Variants in RGS6 observed in about 807,000 individuals in gnomAD.
The protein encoded by RGS6 is regulator of G protein signaling 6.
In RGS6, 30 loss-of-function variants were observed where a neutral mutation model predicts 78.5. The observed-to-expected ratio is 0.38, with a 90% confidence interval of 0.29 to 0.52. The LOEUF is 0.52. RGS6 is among the 20% of genes least tolerant of loss of function. The pLI is 0.85. For missense variants in RGS6, 495 were observed against 609.7 expected, an observed-to-expected ratio of 0.81 and a Z score of 1.98; for synonymous variants, 206 against 206.0, an observed-to-expected ratio of 1.00 and a Z score of 0.00.
At chr14:71,996,243 T>C (rs1438673095) in intron 2 of RGS6, among the ~76,000 whole-genome samples, 1 of 152,006 alleles carries the variant, frequency 6.6e-6, no homozygotes, top group African/African-American at 2.4e-5. Flanking sequence ...ATTCCCCTTA[T>C]TGGGCCACTC....
rs117591662 is a variant in RGS6 at position 72,186,958 on chromosome 14, C to G, written c.85-165137C>G. 1.2e-4 allele frequency among the ~76,000 whole-genome samples: 19 copies of G among 152,288 alleles called. No homozygotes were observed. The East Asian group carries it at 3.7e-3, about 29-fold the overall frequency. On this transcript the variant is annotated intron_variant, in intron 2 of 17. Transcript: ENST00000553525. The stretch of plus-strand genomic sequence containing the variant: ...GAAAGGCTGATGTAATGATCACACA[C>G]CTTCAGGTGAAAGGGTCAGTTTCTC...
chr14:71,945,742 G>A (rs1480184581), intron 1 of RGS6, among the ~76,000 whole-genome samples: 1 of 152,190 alleles, frequency 6.6e-6, no homozygotes, highest in Non-Finnish European at 1.5e-5. Context: ...GGGACAGGTG[G>A]AGAATGTGTT....
chr14:72,223,267 AG>A (rs2047312285), intron 2 of RGS6, among the ~76,000 whole-genome samples: 1 of 152,238 alleles, frequency 6.6e-6, no homozygotes, highest in Non-Finnish European at 1.5e-5. Context: ...CCTGGCCTTA[AG>A]GTTATCTTGC....
intron 2 of RGS6, among the ~76,000 whole-genome samples, chr14:72,326,691 C>T (rs1401754622): frequency 2.6e-5 from 4 of 152,124 alleles, no homozygotes; most frequent in African/African-American, 9.7e-5. Context: ...TTATAAATCA[C>T]CCAGTCTCAG....
At chr14:72,279,630 C>T (rs1481877796) in intron 2 of RGS6, among the ~76,000 whole-genome samples, 1 of 152,114 alleles carries the variant, frequency 6.6e-6, no homozygotes, top group Non-Finnish European at 1.5e-5. Context: ...ATTAGCTGTA[C>T]TTGGATGAAC....
At chr14:72,255,002 G>A (rs1270361885) in intron 2 of RGS6, among the ~76,000 whole-genome samples, 1 of 152,204 alleles carries the variant, frequency 6.6e-6, no homozygotes, top group Non-Finnish European at 1.5e-5. Flanking sequence ...AACAGGGATG[G>A]ATTTTATGGT....
chr14:72,286,616 G>T (rs918436121), intron 2 of RGS6, among the ~76,000 whole-genome samples: 1 of 151,790 alleles, frequency 6.6e-6, no homozygotes, highest in Admixed American at 6.6e-5. Context: ...AGATATTTTA[G>T]CAATATTGTC....
At chr14:72,478,102 C>T (rs2096282942) in intron 11 of RGS6, among the ~76,000 whole-genome samples, 166 bp from the exon 12 acceptor site, 1 of 151,912 alleles carries the variant, frequency 6.6e-6, no homozygotes, top group African/African-American at 2.4e-5. Context: ...ATAGGGATGT[C>T]CAGAGGCACA....
At chr14:72,408,015 G>A (rs2093078573) in intron 3 of RGS6, among the ~76,000 whole-genome samples, 3 of 152,186 alleles carry the variant, frequency 2.0e-5, no homozygotes, top group Non-Finnish European at 4.4e-5. Context: ...GAGAGTCAGA[G>A]TAATTGGCTC....
intron 2 of RGS6, among the ~76,000 whole-genome samples, chr14:72,344,817 G>C (rs995467906): frequency 3.3e-5 from 5 of 152,168 alleles, no homozygotes; most frequent in Non-Finnish European, 7.4e-5. Flanking sequence ...GGAGTTAAAT[G>C]GTCATATTTT....
intron 3 of RGS6, among the ~76,000 whole-genome samples, chr14:72,355,198 CTTT>C (rs374468114): frequency 7.0e-6 from 1 of 142,734 alleles, no homozygotes; most frequent in Admixed American, 7.0e-5. Context: ...TCCTCTGGTT[CTTT>C]TTTTTTTTTT....
chr14:71,871,381 A>C, the RGS6 span, among the ~76,000 whole-genome samples: 1 of 151,964 alleles, frequency 6.6e-6, no homozygotes, highest in African/African-American at 2.4e-5. Flanking sequence ...AGGTTACATA[A>C]ATCTCCTTAT....
chr14:71,893,690 G>C, the RGS6 span, among the ~76,000 whole-genome samples: 1 of 152,124 alleles, frequency 6.6e-6, no homozygotes, highest in African/African-American at 2.4e-5. Flanking sequence ...TTTATAAGGG[G>C]AGCCAAGCAC....
the RGS6 span, chr14:72,595,184 G>A: frequency 2.6e-5 from 4 of 152,112 alleles, no homozygotes; most frequent in African/African-American, 9.7e-5. Flanking sequence ...TACCCGCTGT[G>A]TGCCCAAAAT....
At chr14:71,976,579 A>G (rs2094143312) in intron 2 of RGS6, among the ~76,000 whole-genome samples, 1 of 152,150 alleles carries the variant, frequency 6.6e-6, no homozygotes, top group African/African-American at 2.4e-5. Context: ...TGTCCCTACA[A>G]AGGACGTGAA....
At position 72,036,200 on chromosome 14, in the gene RGS6, A is replaced by AGTCTTATTATTATTATTAT. The variant is rs138140828; in HGVS notation, c.84+71325_84+71326insGTCTTATTATTATTATTAT. 3.1e-3 allele frequency among the ~76,000 whole-genome samples: 455 copies of AGTCTTATTATTATTATTAT among 146,810 alleles called. 3 individuals are homozygous for AGTCTTATTATTATTATTAT. The highest frequency in any genetic ancestry group is 8.5e-3 in the African/African-American group (340 of 40,106). Reference sequence around the variant, plus strand: ...CTCATCCAAGTTGTTGCATGTAAACATATTATTATTATTATTATTATTATT... The same window carrying AGTCTTATTATTATTATTAT: ...CTCATCCAAGTTGTTGCATGTAAACAGTCTTATTATTATTATTATTATTATTATTATTATTATTATTATT... On this transcript the variant is annotated intron_variant, in intron 2 of 17. Coordinates refer to ENST00000553525, the MANE Select transcript of RGS6 (RefSeq NM_001204424.2).
At chr14:72,489,700 G>T (rs2096550631) in intron 12 of RGS6, among the ~76,000 whole-genome samples, 1 of 151,254 alleles carries the variant, frequency 6.6e-6, no homozygotes, top group Admixed American at 6.6e-5. Flanking sequence ...CCAGAAACTG[G>T]AAGGAAAAGA....
chr14:72,612,642 C>A, the RGS6 span: 1 of 518,238 alleles, frequency 1.9e-6, no homozygotes, highest in South Asian at 1.4e-5. Context: ...GGGGAGTAGA[C>A]ATGGAAGGGC....
intron 11 of RGS6, among the ~76,000 whole-genome samples, chr14:72,477,443 C>T (rs1428938271): frequency 1.3e-5 from 2 of 151,676 alleles, no homozygotes; most frequent in Admixed American, 1.3e-4. Flanking sequence ...AGGTGCTTGC[C>T]CTTGACAAGT....
Sources: allele counts gnomAD v4.1 joint callset (sites outside exome capture counted in the v4.1 genomes callset), GRCh38; gene constraint gnomAD v4.1.1; transcripts MANE v1.5; gene names NCBI Gene and HGNC (gene_info 2026-07-23, HGNC 2026-07-21).